GALM: variants seen among roughly 807,000 people sequenced by gnomAD.
GALM encodes aldose 1-epimerase.
In GALM, 43 loss-of-function variants were observed where a neutral mutation model predicts 37.4. That is an observed-to-expected ratio of 1.15 (90% CI 0.90 to 1.48). The LOEUF is 1.48. GALM is among the 40% of genes most tolerant of loss of function. The pLI, the probability that GALM is intolerant of heterozygous loss-of-function variation, is 0.00. For missense variants in GALM, 456 were observed against 419.1 expected, an observed-to-expected ratio of 1.09 and a Z score of -0.77; for synonymous variants, 199 against 170.6, an observed-to-expected ratio of 1.17 and a Z score of -1.30.
At chr2:38,672,828 G>A (rs1665145531) in intron 1 of GALM, among the ~76,000 whole-genome samples, 1 of 151,460 alleles carries the variant, frequency 6.6e-6, no homozygotes, top group African/African-American at 2.4e-5. Flanking sequence ...CCAACATGGT[G>A]AAAACCCATC....
chr2:38,681,867 C>T (rs1355684861), intron 3 of GALM, among the ~76,000 whole-genome samples: 3 of 152,196 alleles, frequency 2.0e-5, no homozygotes, highest in African/African-American at 7.2e-5. Context: ...TGGGCATGGT[C>T]CAGCTCCTTT....
intron 4 of GALM, among the ~76,000 whole-genome samples, chr2:38,700,427 A>G (rs1463548531): frequency 2.6e-5 from 4 of 152,110 alleles, no homozygotes; most frequent in African/African-American, 9.7e-5. Context: ...TTGGGTGCAT[A>G]TATATTTAGA....
chr2:38,702,847 G>A (rs1339171275), intron 4 of GALM, among the ~76,000 whole-genome samples: 1 of 147,454 alleles, frequency 6.8e-6, no homozygotes, highest in Non-Finnish European at 1.5e-5. Context: ...TTTGCCCCCA[G>A]CCAGTCTCTC....
intron 1 of GALM, chr2:38,669,437 G>A (rs781696359): frequency 3.3e-5 from 5 of 152,218 alleles, no homozygotes; most frequent in African/African-American, 7.2e-5. Context: ...TAAAAGGGAC[G>A]GGAATTGCTC....
chr2:38,686,258 T>TTCTTTCTTTCTCTCTTTCTC (rs1558582108), intron 3 of GALM, among the ~76,000 whole-genome samples: 1 of 100,054 alleles, frequency 1.0e-5, no homozygotes, highest in Non-Finnish European at 2.0e-5. Flanking sequence ...CTTTCTTTCT[T>TTCTTTCTTTCTCTCTTTCTC]TCTTTCTTTC....
intron 4 of GALM, among the ~76,000 whole-genome samples, chr2:38,702,932 T>TTATATATATATATATATATATATATATA (rs202010853): frequency 1.0e-4 from 14 of 134,872 alleles, no homozygotes; most frequent in African/African-American, 3.9e-4. Flanking sequence ...TATATACTTT[T>TTATATATATATATATATATATATATATA]TATATATATA....
At chr2:38,712,437 C>T (rs915743778) in intron 4 of GALM, among the ~76,000 whole-genome samples, 3 of 152,190 alleles carry the variant, frequency 2.0e-5, no homozygotes, top group Non-Finnish European at 4.4e-5. Flanking sequence ...AACATGTTTC[C>T]TCTTCGCTTT....
At chr2:38,728,404 AC>A (rs1343277805) in intron 4 of GALM, among the ~76,000 whole-genome samples, 10 of 149,360 alleles carry the variant, frequency 6.7e-5, no homozygotes, top group Non-Finnish European at 1.0e-4. Context: ...AAAAAAAAAA[AC>A]TTTTTTTTTG....
chr2:38,693,078 G>A (rs1049722890), intron 4 of GALM, among the ~76,000 whole-genome samples: 5 of 152,184 alleles, frequency 3.3e-5, no homozygotes, highest in East Asian at 1.9e-4. Context: ...GCTCAAGGCC[G>A]ATCCACATAG....
chr2:38,698,261 T>A (rs1665850003), intron 4 of GALM: 2 of 438,676 alleles, frequency 4.6e-6, no homozygotes, highest in Non-Finnish European at 8.7e-6. Context: ...TCACCTAACT[T>A]CTAAAGCTAC....
At chr2:38,728,973 C>T (rs1467054124) in intron 4 of GALM, among the ~76,000 whole-genome samples, 1 of 152,184 alleles carries the variant, frequency 6.6e-6, no homozygotes, top group South Asian at 2.1e-4. Context: ...TAGAACAACT[C>T]TGGCTTTTAT....
intron 4 of GALM, among the ~76,000 whole-genome samples, chr2:38,718,851 G>GA (rs1471868250): frequency 6.6e-6 from 1 of 151,708 alleles, no homozygotes. Flanking sequence ...CCAGGCAGGG[G>GA]AAAAAATGAC....
At chr2:38,667,618 A>G (rs545951652) in intron 1 of GALM, among the ~76,000 whole-genome samples, 4 of 147,806 alleles carry the variant, frequency 2.7e-5, no homozygotes, top group Admixed American at 7.1e-5. Context: ...AACAAAACTC[A>G]GCTTTCTGTT....
Position 38,733,897 on chromosome 2 carries a change from G to T in GALM, c.*332G>T. The T allele has an allele frequency of 2.9e-6, 1 of 341,134 alleles. No homozygotes were observed. Among genetic ancestry groups the T allele is most frequent in the Non-Finnish European group, 5.6e-6 (1 of 177,432 alleles). The allele number at this position is 341,134 out of a possible 1,614,324, so 21.1% of individuals were successfully genotyped here. On this transcript the variant is annotated 3_prime_UTR_variant, in exon 7 of 7. Transcript: ENST00000272252. Reference sequence around the variant, plus strand: ...ACTGCCTCTTTCTTTTCAACTTTTTGCCCTTCCTTTCTTTAAAGCTATTCT... The same window carrying T: ...ACTGCCTCTTTCTTTTCAACTTTTTTCCCTTCCTTTCTTTAAAGCTATTCT...
In GALM at chr2:38,734,400, A is replaced by AG. The variant is rs1666665215; in HGVS notation, c.*835_*836insG. On this transcript the variant is annotated 3_prime_UTR_variant, in exon 7 of 7. Transcript: ENST00000272252. ...CTCGATCTCAAAAAAAAAAAAAAAA[A>AG]AAAGGAAAAAAAAGCAGCTCTCTCT... 1 of 151,268 alleles carries AG rather than the reference A, an allele frequency of 6.6e-6. No homozygotes were observed. Among genetic ancestry groups the AG allele is most frequent in the East Asian group, 1.9e-4 (1 of 5,188 alleles). 9.4% of individuals were successfully genotyped at this position (151,268 alleles called of 1,614,324 possible).
At chr2:38,677,577 G>C (rs894396227) in intron 2 of GALM, among the ~76,000 whole-genome samples, 2 of 152,206 alleles carry the variant, frequency 1.3e-5, no homozygotes, top group East Asian at 3.9e-4. Flanking sequence ...GCTTCAGACA[G>C]GGATCTTCAG....
chr2:38,715,321 C>G (rs1355821824), intron 4 of GALM, among the ~76,000 whole-genome samples: 1 of 152,164 alleles, frequency 6.6e-6, no homozygotes, highest in East Asian at 1.9e-4. Flanking sequence ...TTAAGCAAGT[C>G]TGTATATTTC....
intron 6 of GALM, among the ~76,000 whole-genome samples, chr2:38,733,084 G>A (rs1666639175): frequency 6.6e-6 from 1 of 151,874 alleles, no homozygotes. Flanking sequence ...ATCTGGGCAT[G>A]GTGGCAGGTG....
intron 4 of GALM, among the ~76,000 whole-genome samples, chr2:38,728,733 T>C (rs191934864): frequency 2.3e-5 from 3 of 133,176 alleles, no homozygotes; most frequent in East Asian, 5.1e-4. Context: ...CGTAACATTG[T>C]TTAAGCCTCT....
Sources: allele counts gnomAD v4.1 joint callset (sites outside exome capture counted in the v4.1 genomes callset), GRCh38; gene constraint gnomAD v4.1.1; transcripts MANE v1.5; gene names NCBI Gene and HGNC (gene_info 2026-07-23, HGNC 2026-07-21).